FBXW9: variants seen among roughly 807,000 people sequenced by gnomAD.
FBXW9 encodes F-box and WD repeat domain containing 9, also known as F-box/WD repeat-containing protein 9.
Under a neutral mutation model 55.8 loss-of-function variants are expected in FBXW9, and 38 were observed. The observed-to-expected ratio is 0.68, with a 90% CI of 0.53 to 0.89. The LOEUF (loss-of-function observed/expected upper bound fraction) is 0.89. FBXW9 is among the 40% of genes least tolerant of loss of function. The pLI is 0.00. For missense variants in FBXW9, 590 were observed against 619.4 expected (o/e 0.95, Z 0.50); for synonymous variants, 289 against 278.2 (o/e 1.04, Z -0.38).
chr19:12,691,358 G>A lies in FBXW9; in HGVS notation c.775C>T (p.Gln259Ter). 1.9e-6 allele frequency: 3 copies of A among 1,613,708 alleles called. No homozygotes were observed. The highest frequency in any genetic ancestry group is 2.5e-6 in the Non-Finnish European group (3 of 1,179,820). ...KLWDMAADGQ[Q>*]FGEIKASSAV... is the part of the protein sequence containing the mutation. Reference sequence around the variant, plus strand: ...CCCACACACTTTATCTCGCCGAACTGCTGCCCATCCGCTGCCATGTCCCAG... The same window carrying A: ...CCCACACACTTTATCTCGCCGAACTACTGCCCATCCGCTGCCATGTCCCAG... Residue 259 changes from glutamine (Q) to a stop codon, truncating the protein, a stop_gained, in exon 4 of 10, where the codon CAG (glutamine) becomes TAG (stop). Coordinates refer to ENST00000393261, the MANE Select transcript of FBXW9 (RefSeq NM_032301.3). LOFTEE classifies it high-confidence loss of function.
Position 12,696,231 on chromosome 19 carries a change from A to T in FBXW9, c.351T>A (p.His117Gln). The change falls in exon 1 of 10, where the codon CAT becomes CAA. Residue 117 changes from histidine (H) to glutamine (Q), a missense_variant. Physicochemically the swap from His to Gln is conservative, Grantham distance 24. Transcript: ENST00000393261. ...CHALRDLVSD[H>Q]VTWRLRALRR... is the part of the protein sequence containing the mutation. ...GTAGCGCGCGTAGCCTCCAGGTGACATGGTCAGACACGAGGTCGCGGAGCG... is the reference window on the plus strand; with the variant it reads ...GTAGCGCGCGTAGCCTCCAGGTGACTTGGTCAGACACGAGGTCGCGGAGCG... 1 of 1,561,626 alleles carries T rather than the reference A, an allele frequency of 6.4e-7. No individual in the cohort carries two copies.
Position 12,690,347 on chromosome 19 carries a change from C to T in FBXW9, c.884-237G>A. 5.9e-6 allele frequency: 4 copies of T among 674,980 alleles called. No homozygotes were observed. In the South Asian group the frequency reaches 7.0e-5, roughly 12 times the overall value. The allele number at this position is 674,980 out of a possible 1,614,324, so 41.8% of individuals were successfully genotyped here. On this transcript the variant is annotated intron_variant, in intron 5 of 9. Coordinates refer to ENST00000393261, the MANE Select transcript of FBXW9 (RefSeq NM_032301.3). ...TCCCATATCCCTCCTCCGATCCCAT[C>T]TACTGTTCTTAGCACAGAGCTGACC...
At chr19:12,693,729 TAA>T (rs985939316) in intron 3 of FBXW9, among the ~76,000 whole-genome samples, 1 of 134,916 alleles carries the variant, frequency 7.4e-6, no homozygotes, top group Non-Finnish European at 1.6e-5. Context: ...GAGATTCCAT[TAA>T]AAAAAAAAAA....
chr19:12,693,062 T>A (rs950316477), intron 3 of FBXW9, among the ~76,000 whole-genome samples: 4 of 152,098 alleles, frequency 2.6e-5, no homozygotes, highest in Non-Finnish European at 5.9e-5. Flanking sequence ...GAGGGCAATA[T>A]TGTGTATCTC....
At chr19:12,693,728 T>A (rs1163648896) in intron 3 of FBXW9, among the ~76,000 whole-genome samples, 30 of 144,848 alleles carry the variant, frequency 2.1e-4, no homozygotes, top group African/African-American at 6.9e-4. Context: ...TGAGATTCCA[T>A]TAAAAAAAAA....
At chr19:12,693,265 A>C (rs750179325) in intron 3 of FBXW9, among the ~76,000 whole-genome samples, 1 of 151,802 alleles carries the variant, frequency 6.6e-6, no homozygotes, top group South Asian at 2.1e-4. Flanking sequence ...GATGACAGTC[A>C]TGCTCAGAGT....
intron 3 of FBXW9, 22 bp from the exon 4 acceptor site, chr19:12,691,476 C>G (rs1342104322): frequency 2.6e-6 from 4 of 1,534,130 alleles, no homozygotes; most frequent in Non-Finnish European, 3.5e-6. Context: ...GAGCAGCAGT[C>G]ACACACCTGC....
In FBXW9 at chr19:12,691,157, T is replaced by C. The variant is rs904392228; in HGVS notation, c.883+9A>G. ...TCTCCCAACCTGGGCCCCAGGACCC[T>C]TGGCCCACCTCTGGGGTCGTAGATG... On this transcript the variant is annotated intron_variant, in intron 5 of 9. Coordinates refer to ENST00000393261, the MANE Select transcript of FBXW9 (RefSeq NM_032301.3). 2 of 1,612,450 alleles carry C rather than the reference T, an allele frequency of 1.2e-6. No individual in the cohort carries two copies. Among genetic ancestry groups the C allele is most frequent in the African/African-American group, 2.7e-5 (2 of 74,888 alleles).
chr19:12,696,153 C>G lies in FBXW9; in HGVS notation c.409+20G>C. 1 of 1,496,394 alleles carries G rather than the reference C, an allele frequency of 6.7e-7. No homozygotes were observed. Among genetic ancestry groups the G allele is most frequent in the Non-Finnish European group, 8.9e-7 (1 of 1,129,708 alleles). 92.7% of individuals were successfully genotyped at this position (1,496,394 alleles called of 1,614,324 possible). A position where few individuals can be genotyped will look rare whatever the true frequency, so the allele number is the denominator to read the frequency against. ...GCGGGCGCCCCCGGCCCCCGGTCCCCGGCCCCCGGCCCCGCGCACCTTCCA... is the reference window on the plus strand; with the variant it reads ...GCGGGCGCCCCCGGCCCCCGGTCCCGGGCCCCCGGCCCCGCGCACCTTCCA... On this transcript the variant is annotated intron_variant, in intron 1 of 9. Coordinates refer to ENST00000393261, the MANE Select transcript of FBXW9 (RefSeq NM_032301.3).
In FBXW9 at chr19:12,689,450, A is replaced by G. The variant is rs2024971594; in HGVS notation, c.1237-13T>C. 9 of 1,614,010 alleles carry G rather than the reference A, an allele frequency of 5.6e-6. No individual in the cohort carries two copies. Among genetic ancestry groups the G allele is most frequent in the African/African-American group, 1.3e-5 (1 of 74,914 alleles). The stretch of plus-strand genomic sequence containing the variant: ...TGGGCACGTGCACCTAGTGAGGGGC[A>G]ATGGGCGAGGTCAAGAGGTGTGCCC... On this transcript the variant is annotated splice_polypyrimidine_tract_variant and intron_variant, in intron 8 of 9. Transcript: ENST00000393261. The surrounding 1 kb of genome is among the most constrained non-coding windows in gnomAD (Gnocchi z 5.9).
rs1479485330 is a variant in FBXW9 at position 12,696,557 on chromosome 19, C to T, written c.25G>A (p.Asp9Asn). The change falls in exon 1 of 10, where the codon GAT becomes AAT. Residue 9 changes from aspartate (D) to asparagine (N), a missense_variant. Transcript: ENST00000393261. MELPLGRC[D>N]DSRTWDDDSD... ...TCATCGTCCCAGGTGCGGGAATCAT[C>T]GCACCGCCCTAGGGGAAGCTCCATT... is the stretch of plus-strand genomic sequence containing the variant. 5.0e-6 allele frequency: 8 copies of T among 1,611,540 alleles called. No individual in the cohort carries two copies. Among genetic ancestry groups the T allele is most frequent in the Non-Finnish European group, 6.8e-6 (8 of 1,179,980 alleles).
rs2024974649 is a variant in FBXW9 at position 12,689,621 on chromosome 19, C to A, written c.1156G>T (p.Val386Leu). 6.2e-7 allele frequency: 1 copy of A among 1,613,970 alleles called. No individual in the cohort carries two copies. The highest frequency in any genetic ancestry group is 8.5e-7 in the Non-Finnish European group (1 of 1,179,976). Reference protein sequence around the residue: ...GCFQLIRSFDVGHSFPITGIQ... With the variant: ...GCFQLIRSFDLGHSFPITGIQ... ...CCAGTGATGGGAAAGCTGTGGCCCACATCAAAGGACTGCAGGAGGAGGATC... is the reference window on the plus strand; with the variant it reads ...CCAGTGATGGGAAAGCTGTGGCCCAAATCAAAGGACTGCAGGAGGAGGATC... The change falls in exon 8 of 10, where the codon GTG becomes TTG. Residue 386 changes from valine to leucine, a missense_variant. By Grantham distance (32) the Val-to-Leu change is conservative (BLOSUM62 1). Coordinates refer to ENST00000393261, the MANE Select transcript of FBXW9 (RefSeq NM_032301.3). This position sits in a 1 kb window ranked among gnomAD's most constrained non-coding sequence, Gnocchi z 5.9.
chr19:12,691,037 C>T, intron 5 of FBXW9, 129 bp downstream of exon 5: 1 of 859,534 alleles, frequency 1.2e-6, no homozygotes, highest in Admixed American at 1.8e-5. Context: ...ATTGTACCAG[C>T]ACAGCATGGC....
intron 5 of FBXW9, 45 bp from the exon 6 acceptor site, chr19:12,690,155 G>T (rs751442908): frequency 1.2e-6 from 2 of 1,610,648 alleles, no homozygotes; most frequent in Non-Finnish European, 8.5e-7. Flanking sequence ...AGAGCCCCTC[G>T]AAGGCCCCCC....
At chr19:12,690,259 T>A in intron 5 of FBXW9, 149 bp from the exon 6 acceptor site, 1 of 1,358,084 alleles carries the variant, frequency 7.4e-7, no homozygotes, top group Non-Finnish European at 1.0e-6. Context: ...ATCTCTCCTC[T>A]CCCGCCTCAG....
rs895586341 is a variant in FBXW9, at chr19:12,693,518, AAAAAAAAAAAAATATATATAT to A, written c.678+1055_678+1075del. ...TACTAAAGGAAAAAAAAAAAAAAAA[AAAAAAAAAAAAATATATATAT>A]ATATATATATATATATATATATACA... is the stretch of plus-strand genomic sequence containing the variant. On this transcript the variant is annotated intron_variant, in intron 3 of 9. Coordinates refer to ENST00000393261, the MANE Select transcript of FBXW9 (RefSeq NM_032301.3). Among the ~76,000 whole-genome samples the A allele has an allele frequency of 1.5e-4, 5 of 32,476 alleles. 1 individual carries two copies. The highest frequency in any genetic ancestry group is 1.9e-3 in the South Asian group (2 of 1,034). 21.3% of individuals were successfully genotyped at this position (32,476 alleles called of 152,430 possible). A position where few individuals can be genotyped will look rare whatever the true frequency, so the allele number is the denominator to read the frequency against.
chr19:12,689,705 C>T lies in FBXW9; in HGVS notation c.1146+56G>A, dbSNP rs549081416. 3.1e-4 allele frequency: 501 copies of T among 1,604,976 alleles called. No homozygotes were observed. Among genetic ancestry groups the T allele is most frequent in the South Asian group, 6.4e-4 (58 of 90,784 alleles). ...GCCCTCCCCCACACCACCAGGGGCTCGGGTAGGAAGGAAGCCCGGGGGGAG... is the reference window on the plus strand; with the variant it reads ...GCCCTCCCCCACACCACCAGGGGCTTGGGTAGGAAGGAAGCCCGGGGGGAG... On this transcript the variant is annotated intron_variant, in intron 7 of 9. Coordinates refer to ENST00000393261, the MANE Select transcript of FBXW9 (RefSeq NM_032301.3). The surrounding 1 kb of genome is among the most constrained non-coding windows in gnomAD (Gnocchi z 5.9).
At chr19:12,693,695 G>A (rs1471348029) in intron 3 of FBXW9, among the ~76,000 whole-genome samples, 2 of 147,284 alleles carry the variant, frequency 1.4e-5, no homozygotes, top group East Asian at 2.0e-4. Context: ...TTGTGCCACT[G>A]CACTATAGCC....
intron 3 of FBXW9, among the ~76,000 whole-genome samples, chr19:12,693,834 T>C (rs1453849705): frequency 6.7e-6 from 1 of 150,334 alleles, no homozygotes; most frequent in African/African-American, 2.5e-5. Flanking sequence ...GAGGTTGCAG[T>C]GGGCCGAGAT....
Sources: allele counts gnomAD v4.1 joint callset (sites outside exome capture counted in the v4.1 genomes callset), GRCh38; gene constraint gnomAD v4.1.1; non-coding constraint Gnocchi (gnomAD v3.1); transcripts MANE v1.5; gene names NCBI Gene and HGNC (gene_info 2026-07-23, HGNC 2026-07-21).